ANKRD44: variants seen among roughly 807,000 people sequenced by gnomAD.
ANKRD44 encodes serine/threonine-protein phosphatase 6 regulatory ankyrin repeat subunit B.
A neutral mutation model predicts 116.0 loss-of-function variants in ANKRD44; 35 were observed. The observed-to-expected ratio is 0.30, with a 90% CI of 0.23 to 0.40. ANKRD44 has a LOEUF of 0.40. ANKRD44 is among the 10% of genes least tolerant of loss of function. ANKRD44 has a pLI of 1.00. For synonymous variants in ANKRD44, 435 were observed against 461.8 expected (o/e 0.94, Z 0.74); for missense variants, 1,014 against 1,242.6 (o/e 0.82, Z 2.77).
intron 16 of ANKRD44, among the ~76,000 whole-genome samples, chr2:197,033,950 A>C (rs78623498): frequency 6.6e-6 from 1 of 152,232 alleles, no homozygotes; most frequent in East Asian, 1.9e-4. Flanking sequence ...CTCTAATTTA[A>C]GATTTGGTCC....
At chr2:197,095,013 T>C (rs1192644133) in intron 10 of ANKRD44, among the ~76,000 whole-genome samples, 1 of 152,232 alleles carries the variant, frequency 6.6e-6, no homozygotes, top group Non-Finnish European at 1.5e-5. Flanking sequence ...CCTTTGCACA[T>C]ACCAGTCCCT....
At chr2:197,017,985 T>C (rs146893742) in intron 17 of ANKRD44, among the ~76,000 whole-genome samples, 2 of 152,356 alleles carry the variant, frequency 1.3e-5, no homozygotes, top group African/African-American at 4.8e-5. Flanking sequence ...GTCTCAGGTA[T>C]CTGGCAGGAA....
intron 25 of ANKRD44, 81 bp downstream of exon 25, chr2:196,998,256 G>T: frequency 9.3e-7 from 1 of 1,079,624 alleles, no homozygotes; most frequent in South Asian, 1.4e-5. Context: ...ATGCTACACA[G>T]TTCCGAGGTA....
chr2:197,006,534 A>G (rs189335759), intron 20 of ANKRD44, among the ~76,000 whole-genome samples: 6 of 152,314 alleles, frequency 3.9e-5, no homozygotes, highest in Admixed American at 2.0e-4. Flanking sequence ...CACCCCTGTG[A>G]CAGGTCAGTT....
At chr2:197,025,555 T>C (rs779257987) in intron 16 of ANKRD44, among the ~76,000 whole-genome samples, 1 of 152,178 alleles carries the variant, frequency 6.6e-6, no homozygotes, top group Non-Finnish European at 1.5e-5. Flanking sequence ...CAAACACACA[T>C]TTACTGCAGA....
At chr2:197,022,108 T>C (rs1678139055) in intron 17 of ANKRD44, among the ~76,000 whole-genome samples, 1 of 152,184 alleles carries the variant, frequency 6.6e-6, no homozygotes, top group Admixed American at 6.5e-5. Flanking sequence ...GGCATCTGGT[T>C]CCATTACACT....
intron 2 of ANKRD44, among the ~76,000 whole-genome samples, chr2:197,167,065 G>A (rs1010720694): frequency 5.3e-5 from 8 of 152,124 alleles, no homozygotes; most frequent in Non-Finnish European, 1.2e-4. Flanking sequence ...TATACTGTGT[G>A]AATCATTTTC....
chr2:197,296,957 AT>A (rs2083742078), intron 1 of ANKRD44, among the ~76,000 whole-genome samples: 1 of 152,190 alleles, frequency 6.6e-6, no homozygotes, highest in Non-Finnish European at 1.5e-5. Context: ...TGCTGTGATG[AT>A]TTTTTATGAA....
At chr2:197,106,715 G>T (rs566991901) in intron 9 of ANKRD44, among the ~76,000 whole-genome samples, 5 of 151,578 alleles carry the variant, frequency 3.3e-5, no homozygotes, top group Admixed American at 2.6e-4. Flanking sequence ...GAGTGAACCC[G>T]GGAGGCAAAG....
intron 21 of ANKRD44, among the ~76,000 whole-genome samples, chr2:197,004,352 C>T (rs2076166197): frequency 6.6e-6 from 1 of 152,010 alleles, no homozygotes; most frequent in Non-Finnish European, 1.5e-5. Context: ...AAACAAGGAA[C>T]AAAAATATTC....
At chr2:197,299,181 CT>C (rs961528598) in intron 1 of ANKRD44, among the ~76,000 whole-genome samples, 15 of 149,046 alleles carry the variant, frequency 1.0e-4, no homozygotes, top group East Asian at 3.9e-4. Flanking sequence ...TCCTCTCCAT[CT>C]TTTTTTTTTC....
chr2:197,264,346 A>T (rs2082686821), intron 1 of ANKRD44, among the ~76,000 whole-genome samples: 1 of 152,236 alleles, frequency 6.6e-6, no homozygotes, highest in African/African-American at 2.4e-5. Flanking sequence ...AATTTTGACC[A>T]AATAAGTATC....
chr2:197,086,954 T>A (rs2077939610), intron 12 of ANKRD44, among the ~76,000 whole-genome samples: 1 of 152,170 alleles, frequency 6.6e-6, no homozygotes, highest in African/African-American at 2.4e-5. Flanking sequence ...AGCTAATAAA[T>A]CAATAGATTA....
At chr2:197,294,211 T>G (rs2083651692) in intron 1 of ANKRD44, among the ~76,000 whole-genome samples, 1 of 152,210 alleles carries the variant, frequency 6.6e-6, no homozygotes, top group East Asian at 1.9e-4. Flanking sequence ...TCTAAAGTTG[T>G]ACACTACATT....
rs2078835151 is a variant in ANKRD44, at chr2:197,120,835, T to C, written c.906+497A>G. 2.0e-5 allele frequency among the ~76,000 whole-genome samples: 3 copies of C among 152,140 alleles called. No homozygotes were observed. The South Asian group carries it at 6.2e-4, about 32-fold the overall frequency. On this transcript the variant is annotated intron_variant, in intron 8 of 27. Transcript: ENST00000282272. Reference sequence around the variant, plus strand: ...GTCAATATCCTAGAGATCCAGTATTTGTCCTGACACATTCACTAAGCTAAC... The same window carrying C: ...GTCAATATCCTAGAGATCCAGTATTCGTCCTGACACATTCACTAAGCTAAC...
At chr2:197,261,538 A>G (rs2082604979) in intron 1 of ANKRD44, among the ~76,000 whole-genome samples, 1 of 137,062 alleles carries the variant, frequency 7.3e-6, no homozygotes. Flanking sequence ...AGAAGTAAAA[A>G]AGATAGACAA....
Position 197,189,573 on chromosome 2 carries a change from A to C in ANKRD44, c.28-2467T>G, listed in dbSNP as rs75830362. Reference sequence around the variant, plus strand: ...CCAGACACAAATTCAGGGTTTCGACAAAAAAAAATATTGAATCTTGTTTAT... The same window carrying C: ...CCAGACACAAATTCAGGGTTTCGACCAAAAAAAATATTGAATCTTGTTTAT... On this transcript the variant is annotated intron_variant, in intron 1 of 27. Coordinates refer to ENST00000282272, the MANE Select transcript of ANKRD44 (RefSeq NM_001195144.2). 2.6e-5 allele frequency among the ~76,000 whole-genome samples: 4 copies of C among 151,724 alleles called. No homozygotes were observed. The East Asian group carries it at 7.7e-4, about 29-fold the overall frequency.
intron 1 of ANKRD44, among the ~76,000 whole-genome samples, chr2:197,234,611 C>G (rs2081940863): frequency 6.6e-6 from 1 of 152,152 alleles, no homozygotes; most frequent in Admixed American, 6.5e-5. Context: ...GCCCATCCAC[C>G]TCATTCTTTT....
intron 21 of ANKRD44, among the ~76,000 whole-genome samples, chr2:196,970,604 C>A (rs1412259007): frequency 6.6e-6 from 1 of 152,084 alleles, no homozygotes; most frequent in Non-Finnish European, 1.5e-5. Flanking sequence ...CCCCCCCAAT[C>A]CTTATTTATG....
Sources: gnomAD v4.1 joint callset for allele counts (sites outside exome capture counted in the v4.1 genomes callset) on GRCh38, gnomAD v4.1.1 for gene constraint, MANE v1.5 for transcripts, NCBI Gene and HGNC (gene_info 2026-07-23, HGNC 2026-07-21) for gene names.